The following DNASE1 variants were observed in gnomAD, a reference collection of about 807,000 sequenced individuals.
DNASE1 encodes deoxyribonuclease-1.
DNASE1 carries 40 observed loss-of-function variants against 33.9 expected under a neutral mutation model. The ratio of observed to expected loss-of-function variants is 1.18; its 90% confidence interval spans 0.92 to 1.54. The LOEUF (loss-of-function observed/expected upper bound fraction) is 1.54. Ranked by LOEUF, DNASE1 falls within the 40% of genes most tolerant of loss-of-function variation. The probability of loss-of-function intolerance (pLI) is 0.00; values close to 1 mark genes in which losing one functional copy is unlikely to be tolerated. For synonymous variants in DNASE1, 216 were observed against 160.0 expected, an observed-to-expected ratio of 1.35 and a Z score of -2.64; for missense variants, 518 against 372.6, an observed-to-expected ratio of 1.39 and a Z score of -3.21.
At chr16:3,655,322 C>T (rs1352517440) in intron 1 of DNASE1, 51 bp from the exon 2 acceptor site, 2 of 1,610,966 alleles carry the variant, frequency 1.2e-6, no homozygotes, top group Non-Finnish European at 1.7e-6. Flanking sequence ...AGTGCTGTGG[C>T]AGGGATGACG....
intron 1 of DNASE1, among the ~76,000 whole-genome samples, chr16:3,624,301 G>A (rs2041428567): frequency 6.6e-6 from 1 of 150,610 alleles, no homozygotes; most frequent in Non-Finnish European, 1.5e-5. Flanking sequence ...TGGCTTTTGT[G>A]TCCTTGGTTA....
chr16:3,638,132 T>C (rs910460130), upstream of DNASE1, among the ~76,000 whole-genome samples: 5 of 151,596 alleles, frequency 3.3e-5, no homozygotes, highest in African/African-American at 1.2e-4. Context: ...TGTGTGTGTG[T>C]GTGTGTGTTT....
chr16:3,618,997 A>G (rs1567185093), intron 1 of DNASE1, among the ~76,000 whole-genome samples: 2 of 151,422 alleles, frequency 1.3e-5, no homozygotes, highest in Non-Finnish European at 2.9e-5. Flanking sequence ...TATCTTCCTG[A>G]CTCAGCCTAC....
At chr16:3,661,849 A>C (rs1283179086), downstream of DNASE1, 4 of 1,185,484 alleles carry the variant, frequency 3.4e-6, no homozygotes, top group Non-Finnish European at 4.5e-6. Flanking sequence ...CCTAAACTGC[A>C]TACAGCTCCT....
Position 3,658,005 on chromosome 16 carries a change from C to CACAGGACCCAGAAA in DNASE1, c.*54_*67dup. 3.1e-6 allele frequency: 5 copies of CACAGGACCCAGAAA among 1,611,736 alleles called. No individual in the cohort carries two copies. Among genetic ancestry groups the CACAGGACCCAGAAA allele is most frequent in the Non-Finnish European group, 4.2e-6 (5 of 1,178,714 alleles). ...TGCAGGAAGAGAGGACCCATCCTGC[C>CACAGGACCCAGAAA]ACAGGACCCAGAAAAAAAGCCCAAC... On this transcript the variant is annotated 3_prime_UTR_variant, in exon 9 of 9. Coordinates refer to ENST00000246949, the MANE Select transcript of DNASE1 (RefSeq NM_005223.4).
intron 1 of DNASE1, among the ~76,000 whole-genome samples, chr16:3,619,613 G>A (rs1233277571): frequency 5.9e-5 from 9 of 151,842 alleles, no homozygotes; most frequent in South Asian, 4.2e-4. Flanking sequence ...TGCCCACCTC[G>A]GCCTCCCAAA....
chr16:3,628,761 G>T (rs1339830827), intron 1 of DNASE1, among the ~76,000 whole-genome samples: 4 of 149,024 alleles, frequency 2.7e-5, no homozygotes, highest in Admixed American at 1.3e-4. Flanking sequence ...GGGTTTCACC[G>T]TGTTAGCCAG....
intron 4 of DNASE1, among the ~76,000 whole-genome samples, chr16:3,656,425 C>G (rs2042629711): frequency 8.5e-6 from 1 of 117,530 alleles, no homozygotes; most frequent in Non-Finnish European, 1.7e-5. Context: ...CCTGGCTCCC[C>G]CGCCCTCCTG....
downstream of DNASE1, chr16:3,658,986 A>G: frequency 1.0e-6 from 1 of 964,964 alleles, no homozygotes; most frequent in African/African-American, 1.6e-5. Context: ...AGTTTTTTAA[A>G]TAAGGTATGT....
At chr16:3,614,280 A>G (rs982770814) in intron 1 of DNASE1, among the ~76,000 whole-genome samples, 2 of 151,122 alleles carry the variant, frequency 1.3e-5, no homozygotes, top group Admixed American at 6.6e-5. Flanking sequence ...AACTCCTGAC[A>G]TCAGGCGGGC....
intron 1 of DNASE1, among the ~76,000 whole-genome samples, chr16:3,613,456 G>T (rs923783114): frequency 1.3e-5 from 2 of 152,172 alleles, no homozygotes; most frequent in African/African-American, 4.8e-5. Context: ...AAGTTTTTGT[G>T]TTCTAGGAGT....
chr16:3,630,207 G>A (rs1194158960), intron 1 of DNASE1, among the ~76,000 whole-genome samples: 2 of 151,960 alleles, frequency 1.3e-5, no homozygotes, highest in African/African-American at 4.8e-5. Flanking sequence ...TTGAGACGGG[G>A]TCTCACTTTG....
chr16:3,664,171 C>T lies in DNASE1; in HGVS notation c.*6218C>T, dbSNP rs1407033908. 1.9e-5 allele frequency: 24 copies of T among 1,293,518 alleles called. No homozygotes were observed. The Admixed American group carries it at 2.1e-4, about 11-fold the overall frequency. 80.1% of individuals were successfully genotyped at this position (1,293,518 alleles called of 1,614,324 possible). A position where few individuals can be genotyped will look rare whatever the true frequency, so the allele number is the denominator to read the frequency against. On this transcript the variant is annotated 3_prime_UTR_variant, in exon 10 of 10. Coordinates refer to the DNASE1 transcript ENST00000407479. Reference sequence around the variant, plus strand: ...CGTGACCCTGACCCACTGTGCAGCCCTGCCCGGAGTCTTGGGCAGGTTCAC... The same window carrying T: ...CGTGACCCTGACCCACTGTGCAGCCTTGCCCGGAGTCTTGGGCAGGTTCAC...
chr16:3,664,244 C>G (rs556749922), exon 10 of DNASE1: 6 of 1,523,838 alleles, frequency 3.9e-6, no homozygotes, highest in South Asian at 3.8e-5. Flanking sequence ...TTGCAGCCCC[C>G]GGAGCCCGCC....
At chr16:3,659,572 T>TAACATGAATATTATAATTTTTC (rs2042944516), downstream of DNASE1, 1 of 152,178 alleles carries the variant, frequency 6.6e-6, no homozygotes, top group Non-Finnish European at 1.5e-5. Context: ...TATTTAACCT[T>TAACATGAATATTATAATTTTTC]AACATGAATA....
downstream of DNASE1, chr16:3,661,933 A>G (rs538165154): frequency 1.8e-5 from 28 of 1,532,622 alleles, no homozygotes; most frequent in South Asian, 3.2e-4. Context: ...AGAACACCAC[A>G]CACAGGATTC....
upstream of DNASE1, among the ~76,000 whole-genome samples, chr16:3,638,804 C>T (rs1412809743): frequency 2.6e-5 from 4 of 152,064 alleles, no homozygotes; most frequent in Admixed American, 6.6e-5. Flanking sequence ...ATAATTTTTT[C>T]TCTCTGCCTT....
chr16:3,658,898 C>G (rs374814523), downstream of DNASE1: 85 of 1,611,142 alleles, frequency 5.3e-5, no homozygotes, highest in Non-Finnish European at 7.0e-5. Context: ...AAAAGCAGCT[C>G]AGTACCACGT....
chr16:3,647,562 C>A (rs868624641), intron 1 of DNASE1, among the ~76,000 whole-genome samples: 1 of 152,136 alleles, frequency 6.6e-6, no homozygotes, highest in Admixed American at 6.5e-5. Flanking sequence ...GCATGAGGCA[C>A]CACACGCAGC....
Sources: allele counts gnomAD v4.1 joint callset (sites outside exome capture counted in the v4.1 genomes callset), GRCh38; gene constraint gnomAD v4.1.1; transcripts MANE v1.5; gene names NCBI Gene and HGNC (gene_info 2026-07-23, HGNC 2026-07-21).